SHISA9: variants seen among roughly 807,000 people sequenced by gnomAD.
SHISA9 encodes shisa family member 9.
A neutral mutation model predicts 38.0 loss-of-function variants in SHISA9; 13 were observed. The observed-to-expected ratio is 0.34, with a 90% CI of 0.22 to 0.54. The LOEUF is 0.54. Ranked by LOEUF, SHISA9 falls within the 20% of genes least tolerant of loss-of-function variation. The pLI is 0.91. For synonymous variants in SHISA9, 275 were observed against 242.0 expected, an observed-to-expected ratio of 1.14 and a Z score of -1.27; for missense variants, 538 against 575.8, an observed-to-expected ratio of 0.93 and a Z score of 0.67.
intron 4 of SHISA9, among the ~76,000 whole-genome samples, chr16:13,220,520 T>C (rs2856620): frequency 0.19 from 28,910 of 152,120 alleles, 2,935 homozygotes; most frequent in East Asian, 0.37. Flanking sequence ...ATTGACATGG[T>C]CCCAGGAAAC....
the SHISA9 span, among the ~76,000 whole-genome samples, chr16:13,328,612 ACACACACAC>A: frequency 6.9e-6 from 1 of 143,962 alleles, no homozygotes; most frequent in Non-Finnish European, 1.5e-5. Context: ...ACACACACAC[ACACACACAC>A]ACACACACAC....
the SHISA9 span, among the ~76,000 whole-genome samples, chr16:13,485,887 G>T: frequency 1.3e-5 from 2 of 152,212 alleles, no homozygotes. Flanking sequence ...GAGAATCTGA[G>T]ATGTTTATCT....
At chr16:13,245,116 C>T (rs1397950276), downstream of SHISA9, among the ~76,000 whole-genome samples, 1 of 151,926 alleles carries the variant, frequency 6.6e-6, no homozygotes, top group Non-Finnish European at 1.5e-5. Flanking sequence ...GGGCATTCAC[C>T]ATGTTGTACA....
the SHISA9 span, among the ~76,000 whole-genome samples, chr16:13,304,611 C>T: frequency 6.6e-6 from 1 of 152,132 alleles, no homozygotes; most frequent in African/African-American, 2.4e-5. Flanking sequence ...CAGAAATGAT[C>T]AAATATTGCT....
chr16:13,060,762 G>C (rs912696485), intron 2 of SHISA9, among the ~76,000 whole-genome samples: 1 of 151,854 alleles, frequency 6.6e-6, no homozygotes, highest in Admixed American at 6.6e-5. Flanking sequence ...CACAAAGCCC[G>C]CCTAGGCCAG....
the SHISA9 span, among the ~76,000 whole-genome samples, chr16:13,547,865 A>AC: frequency 8.5e-5 from 13 of 152,076 alleles, no homozygotes; most frequent in African/African-American, 2.9e-4. Flanking sequence ...TAGAAAAAAA[A>AC]CATAAAATTA....
At chr16:13,471,464 A>G in the SHISA9 span, among the ~76,000 whole-genome samples, 5 of 152,212 alleles carry the variant, frequency 3.3e-5, no homozygotes, top group South Asian at 1.0e-3. Context: ...GAATATAAGC[A>G]CTGACAAATG....
the SHISA9 span, among the ~76,000 whole-genome samples, chr16:13,273,618 A>G: frequency 6.6e-6 from 1 of 152,142 alleles, no homozygotes; most frequent in African/African-American, 2.4e-5. Context: ...AAAATTGCCC[A>G]GTATTGGGTA....
intron 4 of SHISA9, among the ~76,000 whole-genome samples, chr16:13,223,251 A>G (rs1449261000): frequency 6.6e-6 from 1 of 151,976 alleles, no homozygotes; most frequent in African/African-American, 2.4e-5. Context: ...ACATAGTGAG[A>G]CACCCTTCTC....
intron 2 of SHISA9, among the ~76,000 whole-genome samples, chr16:12,934,952 G>A (rs1288902592): frequency 6.6e-6 from 1 of 152,174 alleles, no homozygotes; most frequent in African/African-American, 2.4e-5. Context: ...GGGATGTCAG[G>A]AACCAGGGCA....
At chr16:13,079,378 C>G (rs1214431643) in intron 2 of SHISA9, among the ~76,000 whole-genome samples, 1 of 152,166 alleles carries the variant, frequency 6.6e-6, no homozygotes, top group Non-Finnish European at 1.5e-5. Context: ...CAGTGTCTTA[C>G]CTATCATAAG....
intron 3 of SHISA9, among the ~76,000 whole-genome samples, chr16:13,206,143 C>T (rs773154581): frequency 1.4e-4 from 21 of 152,000 alleles, no homozygotes; most frequent in Non-Finnish European, 2.2e-4. Flanking sequence ...TCAGAAGCTC[C>T]GAAGCATTAG....
chr16:13,037,741 C>T (rs908059532), intron 2 of SHISA9, among the ~76,000 whole-genome samples: 1 of 152,164 alleles, frequency 6.6e-6, no homozygotes, highest in African/African-American at 2.4e-5. Context: ...AGTATTTTGA[C>T]CTTAGAACGT....
the SHISA9 span, among the ~76,000 whole-genome samples, chr16:13,275,703 AC>A: frequency 1.3e-5 from 2 of 152,024 alleles, no homozygotes; most frequent in African/African-American, 4.8e-5. Flanking sequence ...CAATAAAATC[AC>A]CTTGGCTTTT....
chr16:13,458,237 G>C, the SHISA9 span: 1 of 220,878 alleles, frequency 4.5e-6, no homozygotes, highest in Admixed American at 6.1e-5. Context: ...AACCTCTTAT[G>C]GACACTGACT....
the SHISA9 span, among the ~76,000 whole-genome samples, chr16:13,473,939 C>G: frequency 6.6e-6 from 1 of 152,016 alleles, no homozygotes; most frequent in African/African-American, 2.4e-5. Context: ...TTGTGTAATA[C>G]CAGATAGTGC....
At chr16:13,554,310 A>AC in the SHISA9 span, among the ~76,000 whole-genome samples, 1 of 151,308 alleles carries the variant, frequency 6.6e-6, no homozygotes, top group Admixed American at 6.6e-5. Flanking sequence ...AAAAAAAAAA[A>AC]AACACCTTTC....
chr16:13,126,634 G>GGA (rs1053556139), intron 2 of SHISA9, among the ~76,000 whole-genome samples: 1 of 145,860 alleles, frequency 6.9e-6, no homozygotes, highest in Non-Finnish European at 1.5e-5. Flanking sequence ...AGAGGGGTGG[G>GGA]GAGAGAGAGA....
intron 4 of SHISA9, among the ~76,000 whole-genome samples, chr16:13,217,280 A>C (rs926695264): frequency 1.2e-4 from 19 of 152,142 alleles, no homozygotes; most frequent in Middle Eastern, 3.4e-3. Flanking sequence ...TCCGTCTCAA[A>C]ATAAATAAAT....
Sources: gnomAD v4.1 joint callset for allele counts (sites outside exome capture counted in the v4.1 genomes callset) on GRCh38, gnomAD v4.1.1 for gene constraint, MANE v1.5 for transcripts, NCBI Gene and HGNC (gene_info 2026-07-23, HGNC 2026-07-21) for gene names.